Variants in ZCCHC10 observed in about 807,000 individuals in gnomAD.
ZCCHC10 encodes zinc finger CCHC domain-containing protein 10.
In ZCCHC10, 16 loss-of-function variants were observed where a neutral mutation model predicts 19.5. The ratio of observed to expected loss-of-function variants is 0.82; its 90% confidence interval spans 0.56 to 1.25. ZCCHC10 has a LOEUF of 1.25. ZCCHC10 is among the 50% of genes most tolerant of loss of function. The pLI is 0.00. For missense variants in ZCCHC10, 197 were observed against 201.0 expected (o/e 0.98, Z 0.12); for synonymous variants, 67 against 72.5 (o/e 0.92, Z 0.38).
In ZCCHC10 at chr5:132,998,403, G is replaced by C. The variant is rs935478268; in HGVS notation, c.*180C>G. 21 of 534,618 alleles carry C rather than the reference G, an allele frequency of 3.9e-5. No individual in the cohort carries two copies. Among genetic ancestry groups the C allele is most frequent in the Non-Finnish European group, 6.5e-5 (20 of 309,518 alleles). The allele number at this position is 534,618 out of a possible 1,614,324, so 33.1% of individuals were successfully genotyped here. Reference sequence around the variant, plus strand: ...AACAAGATTCACCCTTCAAATAAAAGTCTCTCTCTATAAGCCATTATTAAT... The same window carrying C: ...AACAAGATTCACCCTTCAAATAAAACTCTCTCTCTATAAGCCATTATTAAT... On this transcript the variant is annotated 3_prime_UTR_variant, in exon 5 of 5. Coordinates refer to ENST00000509437, the MANE Select transcript of ZCCHC10 (RefSeq NM_001300816.3).
At chr5:133,016,789 A>G (rs977728932) in intron 2 of ZCCHC10, among the ~76,000 whole-genome samples, 1 of 152,104 alleles carries the variant, frequency 6.6e-6, no homozygotes, top group African/African-American at 2.4e-5. Flanking sequence ...CCTGGCTCCC[A>G]CTATCCTTAA....
intron 1 of ZCCHC10, among the ~76,000 whole-genome samples, chr5:133,025,898 CT>C (rs1764670322): frequency 6.6e-6 from 1 of 152,188 alleles, no homozygotes; most frequent in African/African-American, 2.4e-5. Context: ...TGTAAGCTCT[CT>C]GAAAGCAAGG....
intron 2 of ZCCHC10, among the ~76,000 whole-genome samples, chr5:133,013,207 G>T (rs1382116350): frequency 7.1e-6 from 1 of 141,012 alleles, no homozygotes; most frequent in Non-Finnish European, 1.5e-5. Context: ...GCAGTGAGCC[G>T]AGATAGCACT....
intron 2 of ZCCHC10, among the ~76,000 whole-genome samples, chr5:133,012,624 G>A (rs67829316): frequency 0.049 from 7,498 of 151,788 alleles, 567 homozygotes; most frequent in East Asian, 0.29. Context: ...GTACAAAAAT[G>A]GGACTAGGGG....
chr5:133,003,684 T>C (rs1292138951), intron 3 of ZCCHC10, among the ~76,000 whole-genome samples: 1 of 152,064 alleles, frequency 6.6e-6, no homozygotes, highest in Non-Finnish European at 1.5e-5. Context: ...AACTATTACA[T>C]TAAAACAAAC....
At chr5:132,999,376 A>C (rs1482025722) in intron 4 of ZCCHC10, among the ~76,000 whole-genome samples, 1 of 152,210 alleles carries the variant, frequency 6.6e-6, no homozygotes, top group African/African-American at 2.4e-5. Context: ...ATTCTCTTGG[A>C]TGGAATTCAA....
chr5:133,019,879 G>C, intron 2 of ZCCHC10, among the ~76,000 whole-genome samples: 1 of 150,310 alleles, frequency 6.7e-6, no homozygotes, highest in Non-Finnish European at 1.5e-5. Flanking sequence ...TTGAATCCCA[G>C]AGGCAGAGGT....
rs1196884667 is a variant in ZCCHC10, at chr5:132,998,659, C to CTGGA, written c.499_502dup (p.Ser168IlefsTer6). 1 of 1,614,062 alleles carries CTGGA rather than the reference C, an allele frequency of 6.2e-7. No homozygotes were observed. The highest frequency in any genetic ancestry group is 2.2e-5 in the East Asian group (1 of 44,886). On this transcript the variant is annotated frameshift_variant, in exon 5 of 5. Coordinates refer to ENST00000509437, the MANE Select transcript of ZCCHC10 (RefSeq NM_001300816.3). LOFTEE classifies it high-confidence loss of function. ...GCTGGTGCTACTGCTACTGGAAGAGCTGGAATCTGAGTCTGAATCAGAGGA... is the reference window on the plus strand; with the variant it reads ...GCTGGTGCTACTGCTACTGGAAGAGCTGGATGGAATCTGAGTCTGAATCAGAGGA...
chr5:133,015,446 T>C (rs760653104), intron 2 of ZCCHC10, among the ~76,000 whole-genome samples: 3 of 152,278 alleles, frequency 2.0e-5, no homozygotes, highest in Middle Eastern at 3.4e-3. Context: ...TTTTGTGGAA[T>C]TGTAATTCCC....
chr5:133,018,828 G>A (rs892725704), intron 2 of ZCCHC10, among the ~76,000 whole-genome samples: 2 of 152,190 alleles, frequency 1.3e-5, no homozygotes, highest in African/African-American at 4.8e-5. Flanking sequence ...CACATAGCCA[G>A]GAAGGTTGGA....
chr5:133,005,977 GCTTT>G (rs1763092752), intron 3 of ZCCHC10, among the ~76,000 whole-genome samples: 4 of 136,214 alleles, frequency 2.9e-5, no homozygotes, highest in South Asian at 4.5e-4. Flanking sequence ...GGAAGATGCT[GCTTT>G]TTTTTTTTTT....
chr5:133,024,973 T>G (rs888396212), intron 1 of ZCCHC10, among the ~76,000 whole-genome samples: 2 of 152,048 alleles, frequency 1.3e-5, no homozygotes, highest in Non-Finnish European at 2.9e-5. Context: ...TCTAACTCCC[T>G]AAGTCTGTCT....
At chr5:132,998,899 A>T in intron 4 of ZCCHC10, 49 bp from the exon 5 acceptor site, 1 of 1,582,960 alleles carries the variant, frequency 6.3e-7, no homozygotes, top group South Asian at 1.2e-5. Context: ...CATGTAATAG[A>T]ATGTTAAAAG....
rs1194165056 is a variant in ZCCHC10 at position 133,011,624 on chromosome 5, TA to T, written c.108-4705del. On this transcript the variant is annotated intron_variant, in intron 2 of 4. Transcript: ENST00000509437. Reference sequence around the variant, plus strand: ...CTGGGCAATACAGTGAGACTCCATCTAAAAAAAAAAAAAAAAAAAAAAAACC... The same window carrying T: ...CTGGGCAATACAGTGAGACTCCATCTAAAAAAAAAAAAAAAAAAAAAAACC... Among the ~76,000 whole-genome samples the T allele has an allele frequency of 8.6e-3, 386 of 44,798 alleles. 1 individual carries two copies. The highest frequency in any genetic ancestry group is 0.019 in the African/African-American group (199 of 10,296). 29.4% of individuals were successfully genotyped at this position (44,798 alleles called of 152,430 possible).
chr5:133,021,372 G>A (rs1764301285), intron 2 of ZCCHC10, among the ~76,000 whole-genome samples: 1 of 151,980 alleles, frequency 6.6e-6, no homozygotes, highest in Admixed American at 6.6e-5. Flanking sequence ...CAATACTTAG[G>A]GACAAATCTG....
At chr5:133,003,753 C>T (rs141416523) in intron 3 of ZCCHC10, among the ~76,000 whole-genome samples, 16,055 of 152,264 alleles carry the variant, frequency 0.11, 1,142 homozygotes, top group Non-Finnish European at 0.16. Context: ...CTGTATCACC[C>T]AGGCTGGAGT....
chr5:133,023,584 G>C (rs1270260386), intron 1 of ZCCHC10, among the ~76,000 whole-genome samples: 1 of 151,208 alleles, frequency 6.6e-6, no homozygotes, highest in Non-Finnish European at 1.5e-5. Context: ...AGACCAGCCT[G>C]ACCAACATGG....
intron 2 of ZCCHC10, among the ~76,000 whole-genome samples, chr5:133,018,126 C>G (rs1042478005): frequency 8.4e-6 from 1 of 118,786 alleles, no homozygotes; most frequent in African/African-American, 3.3e-5. Context: ...GTCTGGGCAA[C>G]AAAGTGAGAA....
chr5:133,000,879 G>A (rs1243272637), intron 3 of ZCCHC10, among the ~76,000 whole-genome samples: 1 of 151,528 alleles, frequency 6.6e-6, no homozygotes, highest in Non-Finnish European at 1.5e-5. Context: ...CTGACCTCAT[G>A]ATCCGCCCAC....
Sources: allele counts gnomAD v4.1 joint callset (sites outside exome capture counted in the v4.1 genomes callset), GRCh38; gene constraint gnomAD v4.1.1; transcripts MANE v1.5; gene names NCBI Gene and HGNC (gene_info 2026-07-23, HGNC 2026-07-21).